TTLL11: variants seen among roughly 807,000 people sequenced by gnomAD.
TTLL11 encodes tubulin tyrosine ligase like 11.
A neutral mutation model predicts 51.7 loss-of-function variants in TTLL11; 42 were observed. The ratio of observed to expected loss-of-function variants is 0.81; its 90% CI spans 0.64 to 1.05. The LOEUF (loss-of-function observed/expected upper bound fraction) is 1.05. Among genes scored for constraint, TTLL11 ranks in the 50% least tolerant of loss-of-function variants. The pLI is 0.00. For synonymous variants in TTLL11, 381 were observed against 383.5 expected (o/e 0.99, Z 0.08); for missense variants, 799 against 940.4 (o/e 0.85, Z 1.97).
intron 1 of TTLL11, among the ~76,000 whole-genome samples, chr9:122,079,569 C>T (rs1588263326): frequency 6.6e-6 from 1 of 151,820 alleles, no homozygotes; most frequent in Non-Finnish European, 1.5e-5. Flanking sequence ...ATTAGCTGGG[C>T]GTGGTGGCGG....
chr9:121,997,729 A>G (rs913046532), intron 3 of TTLL11, among the ~76,000 whole-genome samples: 2 of 152,152 alleles, frequency 1.3e-5, no homozygotes, highest in Admixed American at 6.5e-5. Flanking sequence ...TTTCCTGATC[A>G]TCCTCCTAAG....
chr9:122,050,724 C>T (rs916123902), intron 1 of TTLL11, among the ~76,000 whole-genome samples: 26 of 152,130 alleles, frequency 1.7e-4, no homozygotes, highest in African/African-American at 6.0e-4. Flanking sequence ...AAAAAGACTA[C>T]GGTGTCTGCC....
chr9:121,922,624 T>C (rs1840583730), intron 6 of TTLL11, among the ~76,000 whole-genome samples: 2 of 152,110 alleles, frequency 1.3e-5, no homozygotes, highest in Non-Finnish European at 2.9e-5. Flanking sequence ...AAGAAATGAC[T>C]CCAATTCTGG....
chr9:121,881,713 T>C (rs1020809001), intron 6 of TTLL11, among the ~76,000 whole-genome samples: 5 of 152,220 alleles, frequency 3.3e-5, no homozygotes, highest in Admixed American at 1.3e-4. Context: ...AATGAGGCCT[T>C]ACGAGGCAGA....
At chr9:121,895,441 GCA>G (rs1450831810) in intron 6 of TTLL11, among the ~76,000 whole-genome samples, 2 of 151,646 alleles carry the variant, frequency 1.3e-5, no homozygotes, top group African/African-American at 2.4e-5. Flanking sequence ...GTGTGTCTGT[GCA>G]CGTTTGTGTG....
intron 5 of TTLL11, 86 bp from the exon 6 acceptor site, chr9:121,974,210 G>T: frequency 1.1e-6 from 1 of 908,992 alleles, no homozygotes; most frequent in Non-Finnish European, 1.6e-6. Flanking sequence ...GGTTATACTA[G>T]TAAATTTTGC....
chr9:121,971,746 G>GGAAAAAA (rs1554775866), intron 6 of TTLL11, among the ~76,000 whole-genome samples: 2 of 97,878 alleles, frequency 2.0e-5, no homozygotes, highest in African/African-American at 7.4e-5. Flanking sequence ...TCTGCCTTGG[G>GGAAAAAA]AAAAAAAAAA....
chr9:122,048,746 TTC>T (rs1340822676), intron 1 of TTLL11, among the ~76,000 whole-genome samples: 1 of 152,216 alleles, frequency 6.6e-6, no homozygotes, highest in Non-Finnish European at 1.5e-5. Flanking sequence ...GCCTGGGATC[TTC>T]TGACTGGGCT....
At chr9:122,034,619 G>A (rs1353683699) in intron 2 of TTLL11, among the ~76,000 whole-genome samples, 3 of 152,086 alleles carry the variant, frequency 2.0e-5, no homozygotes, top group Non-Finnish European at 2.9e-5. Context: ...AGAGTTTCTG[G>A]CCCCTCACTA....
At chr9:121,927,273 C>T (rs1397601067) in intron 6 of TTLL11, among the ~76,000 whole-genome samples, 2 of 152,254 alleles carry the variant, frequency 1.3e-5, no homozygotes, top group Admixed American at 6.5e-5. Flanking sequence ...AGCACAGCAT[C>T]TGACACATAG....
chr9:121,939,737 T>C (rs1300108590), intron 6 of TTLL11, among the ~76,000 whole-genome samples: 1 of 152,164 alleles, frequency 6.6e-6, no homozygotes, highest in Non-Finnish European at 1.5e-5. Flanking sequence ...AAAACAAAAC[T>C]TCAGACCCCA....
Position 121,853,954 on chromosome 9 carries a change from G to A in TTLL11, c.1840+6383C>T, listed in dbSNP as rs1837742761. Among the ~76,000 whole-genome samples, 1 of 152,208 alleles carries A rather than the reference G, an allele frequency of 6.6e-6. No homozygotes were observed. The highest frequency in any genetic ancestry group is 6.5e-5 in the Admixed American group (1 of 15,284). On this transcript the variant is annotated intron_variant, in intron 8 of 8. Transcript: ENST00000321582. The surrounding 1 kb of genome is among the most constrained non-coding windows in gnomAD (Gnocchi z 5.6). ...CAGTAGGAGCAATGGGATCACACTAGGGGCAGACCCGCTTCCTGAGCATTT... is the reference window on the plus strand; with the variant it reads ...CAGTAGGAGCAATGGGATCACACTAAGGGCAGACCCGCTTCCTGAGCATTT...
chr9:122,089,016 C>CAA (rs11432235), intron 1 of TTLL11, among the ~76,000 whole-genome samples: 30,303 of 91,490 alleles, frequency 0.33, 4,527 homozygotes, highest in African/African-American at 0.4. Context: ...CACCCTGTCT[C>CAA]AAAAAAAAAA....
chr9:121,826,290 GTGGGTGTATATATATATA>G (rs1360459019), intron 8 of TTLL11, among the ~76,000 whole-genome samples: 1 of 108,144 alleles, frequency 9.2e-6, no homozygotes, highest in Non-Finnish European at 1.8e-5. Context: ...ATATGAGTGT[GTGGGTGTATATATATATA>G]TGGGTTTATA....
chr9:121,947,124 G>A (rs1841698000), intron 6 of TTLL11, among the ~76,000 whole-genome samples: 1 of 152,144 alleles, frequency 6.6e-6, no homozygotes. Context: ...CCTTTCCACA[G>A]TGCTACGCTG....
At chr9:122,073,646 T>C (rs1365022668) in intron 1 of TTLL11, among the ~76,000 whole-genome samples, 1 of 152,086 alleles carries the variant, frequency 6.6e-6, no homozygotes, top group Admixed American at 6.5e-5. Context: ...AGATAGTCTA[T>C]CTAAAGATAG....
chr9:121,985,639 C>T (rs1842923979), intron 4 of TTLL11, among the ~76,000 whole-genome samples: 1 of 151,472 alleles, frequency 6.6e-6, no homozygotes, highest in South Asian at 2.1e-4. Flanking sequence ...GCCTCAGCCT[C>T]CCAAGTAGCT....
chr9:121,865,914 C>A (rs1048042789), intron 7 of TTLL11, among the ~76,000 whole-genome samples: 5 of 152,150 alleles, frequency 3.3e-5, no homozygotes, highest in African/African-American at 1.2e-4. Context: ...TAGCATAATT[C>A]ACTCCGAAAA....
chr9:121,855,849 G>A (rs755360206), intron 8 of TTLL11, among the ~76,000 whole-genome samples: 6 of 152,198 alleles, frequency 3.9e-5, no homozygotes, highest in Non-Finnish European at 5.9e-5. Flanking sequence ...TGCACAGTGG[G>A]TGGCTTTTCT....
Sources: gnomAD v4.1 joint callset for allele counts (sites outside exome capture counted in the v4.1 genomes callset) on GRCh38, gnomAD v4.1.1 for gene constraint, Gnocchi (gnomAD v3.1) non-coding constraint, MANE v1.5 for transcripts, NCBI Gene and HGNC (gene_info 2026-07-23, HGNC 2026-07-21) for gene names.